The following RBFOX1 variants were observed in gnomAD, a reference collection of about 807,000 sequenced individuals.
RBFOX1 encodes the protein RNA binding fox-1 homolog 1.
A neutral mutation model predicts 57.7 loss-of-function variants in RBFOX1; 8 were observed. The observed-to-expected ratio is 0.14, with a 90% CI of 0.08 to 0.25. The LOEUF is 0.25. Among genes scored for constraint, RBFOX1 ranks in the 10% least tolerant of loss-of-function variants. RBFOX1 has a pLI of 1.00. For synonymous variants in RBFOX1, 326 were observed against 222.4 expected (o/e 1.47, Z -4.15); for missense variants, 611 against 548.5 (o/e 1.11, Z -1.14).
intron 2 of RBFOX1, among the ~76,000 whole-genome samples, chr16:5,548,168 A>ATATATATATATATATATATATATAT (rs1256241961): frequency 5.2e-5 from 3 of 57,190 alleles, no homozygotes; most frequent in Non-Finnish European, 1.2e-4. Context: ...TAAAAAAAAA[A>ATATATATATATATATATATATATAT]AAAAAAATAT....
At chr16:7,232,823 G>A (rs1170457382) in intron 4 of RBFOX1, among the ~76,000 whole-genome samples, 1 of 143,934 alleles carries the variant, frequency 6.9e-6, no homozygotes. Flanking sequence ...ACTCCAGCCT[G>A]GACAACAAGA....
At chr16:7,054,233 CTTT>C (rs34402387) in intron 4 of RBFOX1, among the ~76,000 whole-genome samples, 4 of 5,124 alleles carry the variant, frequency 7.8e-4, no homozygotes, top group African/African-American at 3.2e-3. Flanking sequence ...GGGCGGGGAG[CTTT>C]TTTTTTTTTT....
chr16:7,366,489 G>T (rs930380832), intron 4 of RBFOX1, among the ~76,000 whole-genome samples: 1 of 152,146 alleles, frequency 6.6e-6, no homozygotes, highest in Non-Finnish European at 1.5e-5. Flanking sequence ...AACCCTCCAG[G>T]ACAGACAGGC....
intron 2 of RBFOX1, among the ~76,000 whole-genome samples, chr16:6,554,430 TAAA>T (rs144554550): frequency 6.6e-6 from 1 of 150,874 alleles, no homozygotes; most frequent in African/African-American, 2.4e-5. Context: ...CCCGGGGTAA[TAAA>T]AAAAAAGTTC....
chr16:6,111,645 C>T (rs952319993), intron 1 of RBFOX1, among the ~76,000 whole-genome samples: 1 of 152,122 alleles, frequency 6.6e-6, no homozygotes, highest in Non-Finnish European at 1.5e-5. Flanking sequence ...TTGGCGGTAA[C>T]AGGATAGGAG....
intron 12 of RBFOX1, among the ~76,000 whole-genome samples, chr16:7,660,331 G>T (rs2067399299): frequency 6.6e-6 from 1 of 152,180 alleles, no homozygotes; most frequent in Non-Finnish European, 1.5e-5. Context: ...TGGCTAGACG[G>T]ACCATCTCTG....
intron 4 of RBFOX1, among the ~76,000 whole-genome samples, chr16:5,985,496 C>T (rs2060268202): frequency 6.6e-6 from 1 of 152,128 alleles, no homozygotes; most frequent in Admixed American, 6.6e-5. Context: ...GCCACAGAAG[C>T]TGGTATTAGG....
Position 7,712,525 on chromosome 16 carries a change from T to G in RBFOX1, c.*1780T>G, listed in dbSNP as rs2084152128. 1 of 152,490 alleles carries G rather than the reference T, an allele frequency of 6.6e-6. No individual in the cohort carries two copies. Among genetic ancestry groups the G allele is most frequent in the Non-Finnish European group, 1.5e-5 (1 of 68,020 alleles). The allele number at this position is 152,490 out of a possible 1,614,324, so 9.4% of individuals were successfully genotyped here. Reference sequence around the variant, plus strand: ...ACAAAGTTTCTGTAGCTTCGATACCTAAGACAGACGATAGTGATCTTGAAA... The same window carrying G: ...ACAAAGTTTCTGTAGCTTCGATACCGAAGACAGACGATAGTGATCTTGAAA... On this transcript the variant is annotated 3_prime_UTR_variant, in exon 16 of 16. Coordinates refer to ENST00000550418, the MANE Select transcript of RBFOX1 (RefSeq NM_018723.4).
intron 3 of RBFOX1, among the ~76,000 whole-genome samples, chr16:5,812,583 C>A (rs2055473967): frequency 6.6e-6 from 1 of 151,720 alleles, no homozygotes; most frequent in East Asian, 2.0e-4. Flanking sequence ...CCTTAGCCTT[C>A]CAAGCAGCTA....
intron 4 of RBFOX1, among the ~76,000 whole-genome samples, chr16:7,052,641 A>G (rs2050505203): frequency 6.6e-6 from 1 of 152,130 alleles, no homozygotes; most frequent in African/African-American, 2.4e-5. Flanking sequence ...TAAAAATGAA[A>G]CTGTCTTGGT....
intron 14 of RBFOX1, among the ~76,000 whole-genome samples, chr16:7,684,155 CTAATT>C (rs1568444670): frequency 6.6e-6 from 1 of 152,118 alleles, no homozygotes; most frequent in Non-Finnish European, 1.5e-5. Flanking sequence ...AATGTGGCCT[CTAATT>C]TATTTCCACT....
intron 2 of RBFOX1, among the ~76,000 whole-genome samples, chr16:5,519,792 C>T (rs981340379): frequency 6.6e-6 from 1 of 152,154 alleles, no homozygotes; most frequent in Non-Finnish European, 1.5e-5. Flanking sequence ...GCGACTTGTT[C>T]CCTGAGAACT....
intron 4 of RBFOX1, among the ~76,000 whole-genome samples, chr16:5,894,801 C>T (rs891461522): frequency 6.6e-6 from 1 of 152,066 alleles, no homozygotes; most frequent in African/African-American, 2.4e-5. Flanking sequence ...GCAGGCGGAT[C>T]ACGAGGTCAG....
At chr16:6,172,612 C>A (rs983974717) in intron 1 of RBFOX1, among the ~76,000 whole-genome samples, 1 of 152,136 alleles carries the variant, frequency 6.6e-6, no homozygotes, top group Non-Finnish European at 1.5e-5. Context: ...TTCCTGAGTT[C>A]AAGTTCTGTC....
At chr16:6,529,025 A>G (rs745668) in intron 2 of RBFOX1, among the ~76,000 whole-genome samples, 14 of 152,138 alleles carry the variant, frequency 9.2e-5, no homozygotes, top group African/African-American at 7.2e-5. Context: ...AGAGAAACGC[A>G]TTTTACTCAA....
intron 3 of RBFOX1, among the ~76,000 whole-genome samples, chr16:6,913,322 G>C (rs2072198914): frequency 6.6e-6 from 1 of 151,986 alleles, no homozygotes; most frequent in Admixed American, 6.5e-5. Flanking sequence ...GATTCAACTG[G>C]GGATAAGGAG....
intron 4 of RBFOX1, among the ~76,000 whole-genome samples, chr16:7,507,709 G>A (rs1294139484): frequency 6.6e-6 from 1 of 150,910 alleles, no homozygotes; most frequent in Non-Finnish European, 1.5e-5. Context: ...GACTACAGGC[G>A]CCCACCACCA....
chr16:7,269,385 C>A (rs762915523), intron 4 of RBFOX1, among the ~76,000 whole-genome samples: 1 of 152,052 alleles, frequency 6.6e-6, no homozygotes, highest in Non-Finnish European at 1.5e-5. Context: ...GCTCATCACC[C>A]CCAAATAATC....
chr16:7,129,951 C>G (rs568873646), intron 4 of RBFOX1, among the ~76,000 whole-genome samples: 5 of 151,940 alleles, frequency 3.3e-5, no homozygotes, highest in African/African-American at 1.2e-4. Flanking sequence ...CTTCAAATCT[C>G]ATTTGCCAGC....
Sources: gnomAD v4.1 joint callset for allele counts (sites outside exome capture counted in the v4.1 genomes callset) on GRCh38, gnomAD v4.1.1 for gene constraint, MANE v1.5 for transcripts, NCBI Gene and HGNC (gene_info 2026-07-23, HGNC 2026-07-21) for gene names.